The following KCNIP4 variants were observed in gnomAD, a reference collection of about 807,000 sequenced individuals.
The protein encoded by KCNIP4 is potassium voltage-gated channel interacting protein 4, also known as Kv channel-interacting protein 4.
Under a neutral mutation model 34.0 loss-of-function variants are expected in KCNIP4, and 12 were observed. The ratio of observed to expected loss-of-function variants is 0.35; its 90% CI spans 0.23 to 0.57. The LOEUF is 0.57. Among genes scored for constraint, KCNIP4 ranks in the 20% least tolerant of loss-of-function variants. The pLI, the probability that KCNIP4 is intolerant of heterozygous loss-of-function variation, is 0.83. For missense variants in KCNIP4, 238 were observed against 311.7 expected (o/e 0.76, Z 1.78); for synonymous variants, 124 against 102.2 (o/e 1.21, Z -1.29).
intron 1 of KCNIP4, among the ~76,000 whole-genome samples, chr4:21,051,930 CT>C (rs1382706540): frequency 6.6e-6 from 1 of 152,150 alleles, no homozygotes; most frequent in Non-Finnish European, 1.5e-5. Flanking sequence ...AAAATTGACT[CT>C]GGCACAAGTT....
intron 1 of KCNIP4, among the ~76,000 whole-genome samples, chr4:21,462,871 CATTTT>C (rs1462165158): frequency 4.3e-5 from 6 of 140,994 alleles, no homozygotes; most frequent in Admixed American, 1.4e-4. Context: ...TTTATTTATT[CATTTT>C]ATTTATCCAT....
intron 3 of KCNIP4, among the ~76,000 whole-genome samples, chr4:20,775,183 C>A (rs1267695143): frequency 6.6e-6 from 1 of 152,120 alleles, no homozygotes; most frequent in East Asian, 1.9e-4. Flanking sequence ...CTATTATGTT[C>A]TTTGTGCATA....
intron 1 of KCNIP4, among the ~76,000 whole-genome samples, chr4:21,858,058 A>T (rs928437925): frequency 2.0e-5 from 3 of 152,214 alleles, no homozygotes; most frequent in Non-Finnish European, 2.9e-5. Flanking sequence ...CACCGCAGCC[A>T]GCATGCTTGG....
At chr4:21,237,997 C>A (rs1299871995) in intron 1 of KCNIP4, among the ~76,000 whole-genome samples, 1 of 151,924 alleles carries the variant, frequency 6.6e-6, no homozygotes, top group Non-Finnish European at 1.5e-5. Flanking sequence ...ACTGGCAAAC[C>A]GAATCCAGCA....
chr4:21,765,430 A>T (rs1249334256), intron 1 of KCNIP4, among the ~76,000 whole-genome samples: 1 of 152,014 alleles, frequency 6.6e-6, no homozygotes, highest in Non-Finnish European at 1.5e-5. Context: ...GCATGTGTCC[A>T]TGTTGCTTAA....
rs557188895 is a variant in KCNIP4 at position 21,597,590 on chromosome 4, C to A, written c.61+350981G>T. ...CCATCAAAGCCACTTTCCTTCAGTT[C>A]ATTGGCTTTCCCAAGGTATGAAAGA... On this transcript the variant is annotated intron_variant, in intron 1 of 8. Coordinates refer to ENST00000382152, the MANE Select transcript of KCNIP4 (RefSeq NM_025221.6). Among the ~76,000 whole-genome samples, 12 of 152,258 alleles carry A rather than the reference C, an allele frequency of 7.9e-5. No individual in the cohort carries two copies. In the East Asian group the frequency reaches 2.1e-3, roughly 27 times the overall value.
In KCNIP4 at chr4:21,761,270, T is replaced by C. The variant is rs148626761; in HGVS notation, c.61+187301A>G. 5.2e-4 allele frequency among the ~76,000 whole-genome samples: 78 copies of C among 150,762 alleles called. No individual in the cohort carries two copies. In the East Asian group the frequency reaches 0.013, roughly 25 times the overall value. On this transcript the variant is annotated intron_variant, in intron 1 of 8. Transcript: ENST00000382152. ...GACCTATCTATAACCTTTTCAACAA[T>C]ATAACTTCTAAATTGAACCCTGGTG...
intron 1 of KCNIP4, among the ~76,000 whole-genome samples, chr4:21,573,019 C>A (rs977264300): frequency 1.3e-4 from 20 of 152,148 alleles, no homozygotes. Context: ...TGGTCTTCAT[C>A]TTTTCAGCAA....
intron 1 of KCNIP4, among the ~76,000 whole-genome samples, chr4:21,114,716 T>C (rs1318479108): frequency 2.0e-5 from 3 of 152,018 alleles, no homozygotes; most frequent in Admixed American, 1.3e-4. Flanking sequence ...TCACAATACT[T>C]TGAAACACAG....
intron 1 of KCNIP4, among the ~76,000 whole-genome samples, chr4:21,136,115 T>C (rs756098835): frequency 2.1e-4 from 32 of 152,224 alleles, no homozygotes; most frequent in Non-Finnish European, 4.1e-4. Context: ...GGCTGTGTAA[T>C]TTAAAGTAAT....
At chr4:21,924,380 A>C (rs923165119) in intron 1 of KCNIP4, among the ~76,000 whole-genome samples, 4 of 151,428 alleles carry the variant, frequency 2.6e-5, no homozygotes, top group Admixed American at 1.3e-4. Context: ...AGTAGCTGGG[A>C]CTACAGGTGC....
In KCNIP4 at chr4:21,736,693, G is replaced by A. The variant is rs112389714; in HGVS notation, c.61+211878C>T. On this transcript the variant is annotated intron_variant, in intron 1 of 8. Transcript: ENST00000382152. ...CCTCTTCCATTATCTGTATTTTTAC[G>A]AGCACTTTGCTCACACTTCCATGAC... Among the ~76,000 whole-genome samples, 7 of 152,166 alleles carry A rather than the reference G, an allele frequency of 4.6e-5. No homozygotes were observed. The East Asian group carries it at 7.7e-4, about 17-fold the overall frequency.
At chr4:21,223,001 C>T (rs963210287) in intron 1 of KCNIP4, among the ~76,000 whole-genome samples, 1 of 152,146 alleles carries the variant, frequency 6.6e-6, no homozygotes, top group Non-Finnish European at 1.5e-5. Flanking sequence ...AGAATACTGG[C>T]CTCCCAAAGA....
chr4:21,101,064 A>G (rs1370583302), intron 1 of KCNIP4, among the ~76,000 whole-genome samples: 2 of 152,178 alleles, frequency 1.3e-5, no homozygotes, highest in African/African-American at 4.8e-5. Flanking sequence ...CATTACCTAG[A>G]CAGTGAACAT....
intron 1 of KCNIP4, among the ~76,000 whole-genome samples, chr4:21,392,131 T>C (rs934906338): frequency 2.0e-5 from 3 of 152,180 alleles, no homozygotes; most frequent in African/African-American, 4.8e-5. Context: ...TGACAATAAA[T>C]GGAAGGGAAC....
intron 1 of KCNIP4, among the ~76,000 whole-genome samples, chr4:21,898,166 GC>G (rs1336632881): frequency 2.0e-5 from 3 of 152,116 alleles, no homozygotes; most frequent in Admixed American, 6.5e-5. Flanking sequence ...GAGCTAAAGT[GC>G]CCTGGGGTCC....
At chr4:20,917,070 G>A (rs1220962233) in intron 1 of KCNIP4, among the ~76,000 whole-genome samples, 27 of 119,202 alleles carry the variant, frequency 2.3e-4, no homozygotes, top group Non-Finnish European at 3.4e-4. Flanking sequence ...ATGGGGTCTC[G>A]CTCTGTTGCC....
At chr4:21,933,141 T>C (rs1162403810) in intron 1 of KCNIP4, among the ~76,000 whole-genome samples, 1 of 151,890 alleles carries the variant, frequency 6.6e-6, no homozygotes, top group Non-Finnish European at 1.5e-5. Context: ...ATACATGATC[T>C]ACAGTTTGCT....
At chr4:20,982,311 G>C (rs568814359) in intron 1 of KCNIP4, among the ~76,000 whole-genome samples, 1 of 152,096 alleles carries the variant, frequency 6.6e-6, no homozygotes, top group African/African-American at 2.4e-5. Context: ...GAACCAAAAC[G>C]TGGTGACAAA....
Sources: gnomAD v4.1 joint callset for allele counts (sites outside exome capture counted in the v4.1 genomes callset) on GRCh38, gnomAD v4.1.1 for gene constraint, MANE v1.5 for transcripts, NCBI Gene and HGNC (gene_info 2026-07-23, HGNC 2026-07-21) for gene names.